Variants in ZFHX3 observed in about 807,000 individuals in gnomAD.
ZFHX3 encodes zinc finger homeobox protein 3.
ZFHX3 carries 42 observed loss-of-function variants against 279.1 expected under a neutral mutation model. The observed-to-expected ratio is 0.15, with a 90% CI of 0.12 to 0.19. The LOEUF (loss-of-function observed/expected upper bound fraction) is 0.19. Ranked by LOEUF, ZFHX3 falls within the 10% of genes least tolerant of loss-of-function variation. The pLI, the probability that ZFHX3 is intolerant of heterozygous loss-of-function variation, is 1.00. For synonymous variants in ZFHX3, 2,293 were observed against 1,957.8 expected (o/e 1.17, Z -4.52); for missense variants, 4,981 against 4,754.0 (o/e 1.05, Z -1.40).
intron 1 of ZFHX3, among the ~76,000 whole-genome samples, chr16:73,682,974 GAA>G (rs1373913303): frequency 3.4e-5 from 1 of 29,492 alleles, no homozygotes; most frequent in South Asian, 1.6e-3. Context: ...AAGAAAGAAA[GAA>G]AGAAAGAAAG....
At chr16:73,545,785 G>A (rs1336638766) in intron 2 of ZFHX3, among the ~76,000 whole-genome samples, 1 of 146,088 alleles carries the variant, frequency 6.8e-6, no homozygotes, top group Admixed American at 7.1e-5. Context: ...TGGAACACCT[G>A]CTGAAATTAA....
At chr16:73,431,108 T>A (rs928704337) in intron 3 of ZFHX3, among the ~76,000 whole-genome samples, 2 of 152,230 alleles carry the variant, frequency 1.3e-5, no homozygotes, top group Admixed American at 6.5e-5. Context: ...TTATGCAATT[T>A]GTCTATTAAC....
intron 2 of ZFHX3, among the ~76,000 whole-genome samples, chr16:73,597,554 A>T (rs1053259147): frequency 3.2e-4 from 49 of 152,330 alleles, no homozygotes; most frequent in African/African-American, 9.6e-4. Flanking sequence ...CCCTAGATAC[A>T]ATGACTGGCA....
chr16:73,365,140 G>A (rs896952175), intron 3 of ZFHX3, among the ~76,000 whole-genome samples: 2 of 152,244 alleles, frequency 1.3e-5, no homozygotes, highest in African/African-American at 4.8e-5. Context: ...ATGAGGGATT[G>A]TGATGATTAC....
intron 3 of ZFHX3, among the ~76,000 whole-genome samples, chr16:72,908,549 A>G (rs2039242784): frequency 6.6e-6 from 1 of 152,192 alleles, no homozygotes; most frequent in African/African-American, 2.4e-5. Context: ...CCGTTCACTT[A>G]CCTTGCTAAT....
intron 2 of ZFHX3, among the ~76,000 whole-genome samples, chr16:73,549,698 C>T (rs2020174816): frequency 6.6e-6 from 1 of 152,162 alleles, no homozygotes; most frequent in African/African-American, 2.4e-5. Flanking sequence ...CCAGTCCAAA[C>T]ACAGAAAATG....
intron 3 of ZFHX3, among the ~76,000 whole-genome samples, chr16:73,376,870 C>T (rs1291224061): frequency 2.6e-5 from 4 of 152,140 alleles, no homozygotes; most frequent in Non-Finnish European, 4.4e-5. Context: ...TACTAAGCTG[C>T]CAATATATTA....
At chr16:73,310,253 G>A (rs1170048351) in intron 4 of ZFHX3, among the ~76,000 whole-genome samples, 1 of 152,048 alleles carries the variant, frequency 6.6e-6, no homozygotes, top group Non-Finnish European at 1.5e-5. Context: ...ACCATCTGAG[G>A]TGGTGGTGGT....
rs776945574 is a variant in ZFHX3 at position 72,793,862 on chromosome 16, G to A, written c.8820C>T (p.Ser2940=). Reference sequence around the variant, plus strand: ...AACGTTTCTGCCCAGGCCGATCTCCGCTGTCACCAGATTTGCCTGCAGATC... The same window carrying A: ...AACGTTTCTGCCCAGGCCGATCTCCACTGTCACCAGATTTGCCTGCAGATC... ...ASGSAGKSGD[S]GDRPGQKRFR... Residue 2940 remains serine, a synonymous_variant, in exon 9 of 10, where the codon AGC becomes AGT. Transcript: ENST00000268489. This position sits in a 1 kb window ranked among gnomAD's most constrained non-coding sequence, Gnocchi z 4.3. The A allele has an allele frequency of 3.5e-5, 57 of 1,614,034 alleles. No individual in the cohort carries two copies. In the Admixed American group the frequency reaches 4.3e-4, roughly 12 times the overall value.
At chr16:73,127,181 G>C in intron 7 of ZFHX3, 1 of 383,230 alleles carries the variant, frequency 2.6e-6, no homozygotes, top group East Asian at 8.5e-5. Context: ...GTTGGAAGAA[G>C]GGTCTGATCG....
intron 1 of ZFHX3, among the ~76,000 whole-genome samples, chr16:73,054,624 G>C (rs1246285040): frequency 6.6e-6 from 1 of 151,868 alleles, no homozygotes; most frequent in Non-Finnish European, 1.5e-5. Flanking sequence ...GGGAAGAGAG[G>C]GGTAGCTTAT....
At chr16:73,464,960 G>A (rs2018538359) in intron 2 of ZFHX3, among the ~76,000 whole-genome samples, 1 of 152,240 alleles carries the variant, frequency 6.6e-6, no homozygotes. Context: ...ACCAAGGCTG[G>A]GCGGGAGGGG....
chr16:73,498,112 T>G (rs1245811894), intron 2 of ZFHX3, among the ~76,000 whole-genome samples: 1 of 152,242 alleles, frequency 6.6e-6, no homozygotes, highest in Admixed American at 6.5e-5. Flanking sequence ...AGTTCCTTTC[T>G]TAGGCATGCT....
At chr16:73,317,808 G>A (rs1597281440) in intron 4 of ZFHX3, among the ~76,000 whole-genome samples, 1 of 152,294 alleles carries the variant, frequency 6.6e-6, no homozygotes, top group South Asian at 2.1e-4. Context: ...ATAAAGCCAG[G>A]TTCACGCATG....
At chr16:72,887,120 C>T (rs898075721) in intron 4 of ZFHX3, among the ~76,000 whole-genome samples, 43 of 152,308 alleles carry the variant, frequency 2.8e-4, no homozygotes, top group African/African-American at 1.0e-3. Context: ...TCTATCCCAT[C>T]ATTTGGGAAT....
intron 3 of ZFHX3, among the ~76,000 whole-genome samples, chr16:73,446,935 C>T (rs1597338863): frequency 6.6e-6 from 1 of 152,102 alleles, no homozygotes; most frequent in East Asian, 1.9e-4. Context: ...AATCCCAGCA[C>T]TTTAGGAGGC....
chr16:72,859,085 C>T (rs902427973), intron 4 of ZFHX3, among the ~76,000 whole-genome samples: 3 of 152,222 alleles, frequency 2.0e-5, no homozygotes, highest in Non-Finnish European at 4.4e-5. Flanking sequence ...AAGCCCTCCC[C>T]ACGTTGATTG....
At chr16:73,248,810 T>G (rs1265011735) in intron 5 of ZFHX3, among the ~76,000 whole-genome samples, 1 of 151,988 alleles carries the variant, frequency 6.6e-6, no homozygotes, top group Non-Finnish European at 1.5e-5. Context: ...ATATTGAAGT[T>G]TTTTTTTAAT....
intron 1 of ZFHX3, among the ~76,000 whole-genome samples, chr16:73,040,802 T>G (rs900106616): frequency 6.6e-6 from 1 of 152,244 alleles, no homozygotes; most frequent in Non-Finnish European, 1.5e-5. Flanking sequence ...CTTTTCAGTA[T>G]GTGAAGTGGT....
Sources: allele counts gnomAD v4.1 joint callset (sites outside exome capture counted in the v4.1 genomes callset), GRCh38; gene constraint gnomAD v4.1.1; non-coding constraint Gnocchi (gnomAD v3.1); transcripts MANE v1.5; gene names NCBI Gene and HGNC (gene_info 2026-07-23, HGNC 2026-07-21).